ALK: variants seen among roughly 807,000 people sequenced by gnomAD.
The protein encoded by ALK is ALK tyrosine kinase receptor.
In ALK, 74 loss-of-function variants were observed where a neutral mutation model predicts 163.1. The observed-to-expected ratio is 0.45, with a 90% CI of 0.38 to 0.55. ALK has a LOEUF of 0.55. ALK is among the 20% of genes least tolerant of loss of function. The pLI is 0.00. For missense variants in ALK, 2,063 were observed against 2,105.3 expected, an observed-to-expected ratio of 0.98 and a Z score of 0.39; for synonymous variants, 960 against 843.2, an observed-to-expected ratio of 1.14 and a Z score of -2.40.
At chr2:29,636,248 A>G (rs1277810695) in intron 3 of ALK, among the ~76,000 whole-genome samples, 2 of 152,172 alleles carry the variant, frequency 1.3e-5, no homozygotes, top group Non-Finnish European at 1.5e-5. Flanking sequence ...TAAAGGTACA[A>G]AAACAGCTCA....
rs534375042 is a variant in ALK at position 29,432,831 on chromosome 2, CCT to C, written c.1155-48974_1155-48973del. On this transcript the variant is annotated intron_variant, in intron 4 of 28. Coordinates refer to ENST00000389048, the MANE Select transcript of ALK (RefSeq NM_004304.5). ...ATTTGTCTAAACATGTGCTTCACCC[CCT>C]GTCTTCACTGCTCAGTGAAGTGGGG... 3.4e-3 allele frequency among the ~76,000 whole-genome samples: 517 copies of C among 152,124 alleles called. 3 individuals carry two copies. Among genetic ancestry groups the C allele is most frequent in the Non-Finnish European group, 5.4e-3 (370 of 67,992 alleles).
chr2:29,587,398 A>G (rs1482647517), intron 3 of ALK, among the ~76,000 whole-genome samples: 1 of 152,242 alleles, frequency 6.6e-6, no homozygotes, highest in Non-Finnish European at 1.5e-5. Flanking sequence ...AGAAGTATAA[A>G]GCTCAAGGTG....
chr2:29,770,527 G>C (rs1286415533), intron 1 of ALK, among the ~76,000 whole-genome samples: 1 of 152,150 alleles, frequency 6.6e-6, no homozygotes. Context: ...ATCAAATCAA[G>C]CAAACGGGAT....
intron 2 of ALK, among the ~76,000 whole-genome samples, chr2:29,703,640 C>T (rs1028358730): frequency 2.0e-5 from 3 of 152,160 alleles, no homozygotes; most frequent in African/African-American, 7.2e-5. Flanking sequence ...CCTGTTCATC[C>T]TGAGAAATAG....
intron 1 of ALK, among the ~76,000 whole-genome samples, chr2:29,795,948 C>T (rs1048951466): frequency 3.9e-5 from 6 of 152,124 alleles, no homozygotes; most frequent in African/African-American, 1.4e-4. Context: ...ATGAGGTTGA[C>T]AACGGCCTTC....
chr2:29,667,208 T>C (rs1029172627), intron 3 of ALK, among the ~76,000 whole-genome samples: 3 of 152,132 alleles, frequency 2.0e-5, no homozygotes, highest in African/African-American at 7.2e-5. Context: ...AGTAGTTGAA[T>C]TGCTGGAACA....
chr2:29,269,749 G>A (rs1558646513), intron 11 of ALK, among the ~76,000 whole-genome samples: 1 of 152,170 alleles, frequency 6.6e-6, no homozygotes, highest in Non-Finnish European at 1.5e-5. Flanking sequence ...TGTCTCAAGC[G>A]GCTCCAAGGG....
intron 3 of ALK, among the ~76,000 whole-genome samples, chr2:29,623,567 T>C (rs1448181786): frequency 1.3e-5 from 2 of 152,190 alleles, no homozygotes; most frequent in African/African-American, 4.8e-5. Context: ...ATTTTCTAGA[T>C]GATGGGGGTA....
intron 4 of ALK, among the ~76,000 whole-genome samples, chr2:29,513,712 A>G (rs1415301092): frequency 4.0e-5 from 6 of 150,692 alleles, no homozygotes; most frequent in Non-Finnish European, 7.4e-5. Context: ...GTGAACAGGC[A>G]ACCCACAAAA....
chr2:29,487,442 G>T (rs62129093), intron 4 of ALK, among the ~76,000 whole-genome samples: 37,261 of 152,122 alleles, frequency 0.24, 5,724 homozygotes, highest in Non-Finnish European at 0.34. Flanking sequence ...TAGAGCTTGT[G>T]GAAAGGTGGT....
intron 1 of ALK, among the ~76,000 whole-genome samples, chr2:29,774,753 A>G (rs1052296599): frequency 1.3e-5 from 2 of 152,220 alleles, no homozygotes; most frequent in Admixed American, 1.3e-4. Context: ...ACCACTCTAG[A>G]CCAGACAAAG....
intron 1 of ALK, among the ~76,000 whole-genome samples, chr2:29,814,378 AGGCC>A (rs1664838325): frequency 6.6e-6 from 1 of 151,924 alleles, no homozygotes; most frequent in Non-Finnish European, 1.5e-5. Flanking sequence ...GGCATGACCA[AGGCC>A]GGGCACGGTG....
intron 1 of ALK, among the ~76,000 whole-genome samples, chr2:29,853,605 A>ACT (rs1666062219): frequency 6.6e-6 from 1 of 151,302 alleles, no homozygotes; most frequent in South Asian, 2.1e-4. Flanking sequence ...CCTACCTACC[A>ACT]CTCTCCATGC....
chr2:29,211,024 A>C (rs1221973535), intron 24 of ALK, among the ~76,000 whole-genome samples: 1 of 152,218 alleles, frequency 6.6e-6, no homozygotes. Flanking sequence ...CTTAGGGAGC[A>C]CAGCTGCTGT....
intron 2 of ALK, among the ~76,000 whole-genome samples, chr2:29,700,735 C>G (rs1165412549): frequency 6.6e-6 from 1 of 152,154 alleles, no homozygotes; most frequent in Non-Finnish European, 1.5e-5. Context: ...CAATTAGCTT[C>G]TAGACATTGT....
intron 3 of ALK, among the ~76,000 whole-genome samples, chr2:29,647,317 T>C (rs1441283191): frequency 2.0e-5 from 3 of 152,180 alleles, no homozygotes; most frequent in African/African-American, 7.2e-5. Context: ...GGGCATTCAG[T>C]TAGGAGCTCT....
At chr2:29,913,482 C>T (rs1667758021) in intron 1 of ALK, among the ~76,000 whole-genome samples, 1 of 152,180 alleles carries the variant, frequency 6.6e-6, no homozygotes, top group Non-Finnish European at 1.5e-5. Context: ...ACACCCTAGA[C>T]CACAGAGCAA....
At chr2:29,236,105 G>A (rs996866336) in intron 13 of ALK, among the ~76,000 whole-genome samples, 8 of 151,254 alleles carry the variant, frequency 5.3e-5, no homozygotes, top group South Asian at 2.1e-4. Context: ...CCTTCTCAAA[G>A]TGCTGGGATT....
chr2:29,318,471 TA>T (rs1333995303), intron 7 of ALK, 67 bp from the exon 8 acceptor site: 10 of 1,102,162 alleles, frequency 9.1e-6, no homozygotes, highest in African/African-American at 4.6e-5. Context: ...GGTGCAGGGT[TA>T]ATGGACTGTG....
Sources: allele counts gnomAD v4.1 joint callset (sites outside exome capture counted in the v4.1 genomes callset), GRCh38; gene constraint gnomAD v4.1.1; transcripts MANE v1.5; gene names NCBI Gene and HGNC (gene_info 2026-07-23, HGNC 2026-07-21).